SLIT3: variants seen among roughly 807,000 people sequenced by gnomAD.
The protein encoded by SLIT3 is slit homolog 3 protein.
A neutral mutation model predicts 184.0 loss-of-function variants in SLIT3; 68 were observed. That is an observed-to-expected ratio of 0.37 (90% confidence interval 0.30 to 0.45). The LOEUF (loss-of-function observed/expected upper bound fraction) is 0.45. SLIT3 is among the 20% of genes least tolerant of loss of function. The pLI is 1.00. For missense variants in SLIT3, 1,707 were observed against 2,026.0 expected (o/e 0.84, Z 3.02); for synonymous variants, 831 against 828.6 (o/e 1.00, Z -0.05).
intron 1 of SLIT3, among the ~76,000 whole-genome samples, chr5:169,295,862 C>A (rs950582622): frequency 2.6e-5 from 4 of 152,284 alleles, no homozygotes; most frequent in African/African-American, 9.6e-5. Flanking sequence ...AGAAGAGCAG[C>A]AATCAAAACC....
At chr5:168,855,921 A>G (rs964737140) in intron 5 of SLIT3, among the ~76,000 whole-genome samples, 3 of 152,198 alleles carry the variant, frequency 2.0e-5, no homozygotes, top group Non-Finnish European at 4.4e-5. Flanking sequence ...AGCCTGGCCA[A>G]TATGGTGAAA....
chr5:169,082,862 T>C, intron 4 of SLIT3, among the ~76,000 whole-genome samples: 1 of 152,258 alleles, frequency 6.6e-6, no homozygotes, highest in East Asian at 1.9e-4. Context: ...AATTTATCTC[T>C]GCTCCTTCTC....
At position 169,114,163 on chromosome 5, in the gene SLIT3, C is replaced by A. The variant is rs144812387; in HGVS notation, c.413+79316G>T. ...CTGCAGTCTAGAGAGTGGAGTGTGA[C>A]CAGAGTAGGACAAAAACCTCCCTAC... is the stretch of plus-strand genomic sequence containing the variant. On this transcript the variant is annotated intron_variant, in intron 4 of 35. Coordinates refer to ENST00000519560, the MANE Select transcript of SLIT3 (RefSeq NM_003062.4). Among the ~76,000 whole-genome samples the A allele has an allele frequency of 1.8e-4, 27 of 152,238 alleles. No homozygotes were observed. The East Asian group carries it at 4.4e-3, about 25-fold the overall frequency.
chr5:169,268,413 T>C (rs1188044578), intron 1 of SLIT3, among the ~76,000 whole-genome samples: 2 of 152,252 alleles, frequency 1.3e-5, no homozygotes, highest in Admixed American at 1.3e-4. Context: ...GTCATTTTCC[T>C]GCCTGTCTTT....
intron 1 of SLIT3, among the ~76,000 whole-genome samples, chr5:169,299,159 G>A (rs558816367): frequency 1.1e-4 from 17 of 152,156 alleles, no homozygotes; most frequent in South Asian, 1.0e-3. Flanking sequence ...ATAAAGATTC[G>A]GCTCTCACCC....
At chr5:168,823,450 G>A in intron 6 of SLIT3, 119 bp from the exon 7 acceptor site, 1 of 782,964 alleles carries the variant, frequency 1.3e-6, no homozygotes. Flanking sequence ...AACAGTCATG[G>A]CCCAGCCAGT....
rs1441500449 is a variant in SLIT3 at position 168,806,555 on chromosome 5, T to G, written c.826A>C (p.Asn276His). 1.2e-6 allele frequency: 2 copies of G among 1,614,046 alleles called. No individual in the cohort carries two copies. Among genetic ancestry groups the G allele is most frequent in the African/African-American group, 2.7e-5 (2 of 74,918 alleles). Residue 276 changes from asparagine to histidine, a missense_variant, in exon 9 of 36, where the codon AAC becomes CAC. Physicochemically the swap from Asn to His is moderately conservative, Grantham distance 68. Around this residue, in one of 3 missense-constraint regions of SLIT3, gnomAD observed 1,307 missense variants for 1,511.6 expected, o/e 0.86. Transcript: ENST00000519560. ...PHSEPPSCNA[N>H]SISCPSPCTC... The stretch of plus-strand genomic sequence containing the variant: ...CAGGGCGAAGGGCAGGAGATGGAGT[T>G]GGCATTGCAGGATGGGGGCTCCGAG...
chr5:168,789,888 C>T (rs746960994), intron 10 of SLIT3: 4 of 439,628 alleles, frequency 9.1e-6, no homozygotes, highest in South Asian at 4.4e-5. Flanking sequence ...CATCGGGACA[C>T]GAGGCTGTGA....
intron 2 of SLIT3, among the ~76,000 whole-genome samples, chr5:169,250,391 T>C (rs976100461): frequency 4.6e-5 from 7 of 151,932 alleles, no homozygotes; most frequent in Admixed American, 2.6e-4. Flanking sequence ...ACTATGAGAG[T>C]TGAAAATACT....
At chr5:168,972,470 C>A (rs1307198104) in intron 4 of SLIT3, among the ~76,000 whole-genome samples, 2 of 151,604 alleles carry the variant, frequency 1.3e-5, no homozygotes, top group African/African-American at 2.4e-5. Flanking sequence ...TGCTTTAGGG[C>A]CACCTTGGTG....
Position 168,666,609 on chromosome 5 carries a change from C to A in SLIT3, c.4417G>T (p.Val1473Leu), listed in dbSNP as rs1385198852. The A allele has an allele frequency of 6.2e-7, 1 of 1,614,222 alleles. No individual in the cohort carries two copies. The highest frequency in any genetic ancestry group is 8.5e-7 in the Non-Finnish European group (1 of 1,180,042). The change falls in exon 36 of 36, where the codon GTG becomes TTG. Residue 1473 changes from valine to leucine, a missense_variant. Physicochemically the swap from Val to Leu is conservative, Grantham distance 32. Around this residue, in one of 3 missense-constraint regions of SLIT3, gnomAD observed 387 missense variants for 477.9 expected, o/e 0.81. Coordinates refer to ENST00000519560, the MANE Select transcript of SLIT3 (RefSeq NM_003062.4). ...CCCCCACGACATTCCATGATGGGCA[C>A]CTTGGAGGCTGTGGCACATGATGCA... ...GYASCATASKVPIMECRGGCG... is the reference protein window; with the variant it reads ...GYASCATASKLPIMECRGGCG...
chr5:168,757,011 C>T (rs935383667), intron 16 of SLIT3, among the ~76,000 whole-genome samples: 1 of 152,230 alleles, frequency 6.6e-6, no homozygotes, highest in African/African-American at 2.4e-5. Flanking sequence ...AAGCTGGCTG[C>T]TGCCGTCTCT....
chr5:168,764,740 C>G (rs1755276785), intron 14 of SLIT3, among the ~76,000 whole-genome samples: 1 of 152,134 alleles, frequency 6.6e-6, no homozygotes, highest in Non-Finnish European at 1.5e-5. Flanking sequence ...CATTTCCGCT[C>G]CTCCATCTCC....
At chr5:168,987,217 C>G (rs890327943) in intron 4 of SLIT3, among the ~76,000 whole-genome samples, 2 of 152,192 alleles carry the variant, frequency 1.3e-5, no homozygotes, top group South Asian at 4.1e-4. Flanking sequence ...TTCTCTCTCC[C>G]TCTTTACTCT....
intron 4 of SLIT3, among the ~76,000 whole-genome samples, chr5:168,946,857 C>T (rs1762497641): frequency 6.6e-6 from 1 of 152,190 alleles, no homozygotes; most frequent in Non-Finnish European, 1.5e-5. Flanking sequence ...CCCTCCCCTT[C>T]GAACACCTCT....
chr5:168,891,734 T>A (rs2113809085), intron 4 of SLIT3, among the ~76,000 whole-genome samples: 1 of 152,320 alleles, frequency 6.6e-6, no homozygotes, highest in Non-Finnish European at 1.5e-5. Context: ...TTCTACAAAA[T>A]GCTACAGATG....
In SLIT3 at chr5:169,300,934, C is replaced by G; in HGVS notation, c.-225G>C. ...GCTCCATCGGCGGGGCCGGCGCTGC[C>G]CCGCTGCGCATCGCTGGGAGTGCCC... On this transcript the variant is annotated 5_prime_UTR_variant, in exon 1 of 36. Transcript: ENST00000519560. The surrounding 1 kb of genome is among the most constrained non-coding windows in gnomAD (Gnocchi z 4.1). The G allele has an allele frequency of 4.4e-6, 1 of 226,282 alleles. No homozygotes were observed. Among genetic ancestry groups the G allele is most frequent in the Non-Finnish European group, 8.4e-6 (1 of 118,640 alleles). The allele number at this position is 226,282 out of a possible 1,614,324, so 14.0% of individuals were successfully genotyped here. A position where few individuals can be genotyped will look rare whatever the true frequency, so the allele number is the denominator to read the frequency against.
chr5:168,818,101 G>T (rs905802), intron 7 of SLIT3, among the ~76,000 whole-genome samples: 1 of 152,096 alleles, frequency 6.6e-6, no homozygotes, highest in Non-Finnish European at 1.5e-5. Context: ...ACTTAAATAA[G>T]GTGTTGTCTG....
At chr5:168,849,101 A>T (rs1314062215) in intron 5 of SLIT3, among the ~76,000 whole-genome samples, 1 of 152,234 alleles carries the variant, frequency 6.6e-6, no homozygotes, top group Non-Finnish European at 1.5e-5. Context: ...GATGCATTTA[A>T]GTCCCCATGA....
Sources: allele counts gnomAD v4.1 joint callset (sites outside exome capture counted in the v4.1 genomes callset), GRCh38; gene constraint gnomAD v4.1.1; regional missense constraint gnomAD v4.1.1; non-coding constraint Gnocchi (gnomAD v3.1); transcripts MANE v1.5; gene names NCBI Gene and HGNC (gene_info 2026-07-23, HGNC 2026-07-21).